YES1: variants seen among roughly 807,000 people sequenced by gnomAD.
The protein encoded by YES1 is tyrosine-protein kinase Yes.
In YES1, 39 loss-of-function variants were observed where a neutral mutation model predicts 70.4. The ratio of observed to expected loss-of-function variants is 0.55; its 90% CI spans 0.43 to 0.72. YES1 has a LOEUF of 0.72. YES1 is among the 30% of genes least tolerant of loss of function. The pLI, the probability that YES1 is intolerant of heterozygous loss-of-function variation, is 0.00. For synonymous variants in YES1, 198 were observed against 218.6 expected (o/e 0.91, Z 0.83); for missense variants, 495 against 644.8 (o/e 0.77, Z 2.52).
At chr18:812,318 A>G (rs1329133492), upstream of YES1, 1 of 52,022 alleles carries the variant, frequency 1.9e-5, no homozygotes, top group Non-Finnish European at 3.6e-5. Context: ...CTCACTCTCC[A>G]CCTCCTCCGC....
At chr18:788,561 A>G (rs1465313569) in intron 1 of YES1, among the ~76,000 whole-genome samples, 1 of 152,224 alleles carries the variant, frequency 6.6e-6, no homozygotes, top group Non-Finnish European at 1.5e-5. Context: ...ATTCTGTGGA[A>G]AACTATTTTA....
intron 1 of YES1, among the ~76,000 whole-genome samples, chr18:764,033 TGG>T: frequency 6.7e-6 from 1 of 148,542 alleles, no homozygotes; most frequent in Non-Finnish European, 1.5e-5. Context: ...GGCAGGAGAA[TGG>T]CATGAACCCG....
intron 1 of YES1, among the ~76,000 whole-genome samples, chr18:769,689 T>C (rs1458314996): frequency 6.6e-6 from 1 of 152,232 alleles, no homozygotes; most frequent in African/African-American, 2.4e-5. Flanking sequence ...GTTTTTTTCC[T>C]TTATTCAATT....
chr18:742,849 A>C, intron 8 of YES1, 69 bp downstream of exon 8: 28 of 1,257,972 alleles, frequency 2.2e-5, no homozygotes, highest in African/African-American at 3.0e-5. Flanking sequence ...GTATAAGTCT[A>C]TATGCATACA....
intron 1 of YES1, among the ~76,000 whole-genome samples, chr18:781,679 A>C (rs1905675512): frequency 6.6e-6 from 1 of 152,220 alleles, no homozygotes; most frequent in Non-Finnish European, 1.5e-5. Flanking sequence ...TTGGAGTCAG[A>C]CACACATTTC....
At chr18:803,909 C>T (rs1032257232) in intron 1 of YES1, among the ~76,000 whole-genome samples, 1 of 152,200 alleles carries the variant, frequency 6.6e-6, no homozygotes, top group Non-Finnish European at 1.5e-5. Flanking sequence ...AAGACTCCAA[C>T]GGGCTGCCTA....
chr18:731,966 CAAAAA>C (rs1165333694), intron 11 of YES1, among the ~76,000 whole-genome samples: 18 of 79,968 alleles, frequency 2.3e-4, no homozygotes, highest in African/African-American at 4.5e-4. Flanking sequence ...GACTCCATTT[CAAAAA>C]AAAAAAAAAA....
rs1245317004 is a variant in YES1, at chr18:756,455, C to A, written c.271+102G>T. On this transcript the variant is annotated intron_variant, in intron 2 of 11. Coordinates refer to ENST00000314574, the MANE Select transcript of YES1 (RefSeq NM_005433.4). ...TTTCACATACAATTATTTGAAAAGT[C>A]CTCAAGTAAGATATCTTTCTTAAAG... 1.1e-5 allele frequency: 16 copies of A among 1,422,294 alleles called. 1 individual carries two copies. Among genetic ancestry groups the A allele is most frequent in the African/African-American group, 7.2e-5 (5 of 69,414 alleles). The allele number at this position is 1,422,294 out of a possible 1,614,324, so 88.1% of individuals were successfully genotyped here.
In YES1 at chr18:752,616, T is replaced by TAACACTTA. The variant is rs571401481; in HGVS notation, c.272-820_272-813dup. ...AGTTTTAGCAAAATTATTACATATT[T>TAACACTTA]AACACTTAAAGATAAAAATGTCATG... On this transcript the variant is annotated intron_variant, in intron 2 of 11. Transcript: ENST00000314574. Among the ~76,000 whole-genome samples the TAACACTTA allele has an allele frequency of 2.9e-3, 440 of 152,248 alleles. 2 individuals are homozygous for TAACACTTA. Among genetic ancestry groups the TAACACTTA allele is most frequent in the Middle Eastern group, 6.8e-3 (2 of 294 alleles).
chr18:749,524 A>C (rs2080319043), intron 3 of YES1, among the ~76,000 whole-genome samples: 1 of 149,750 alleles, frequency 6.7e-6, no homozygotes, highest in African/African-American at 2.5e-5. Context: ...AAACAAAAAA[A>C]CCCCCTGAAT....
upstream of YES1, chr18:812,486 G>A (rs181574022): frequency 6.6e-6 from 1 of 152,266 alleles, no homozygotes; most frequent in Non-Finnish European, 1.5e-5. Context: ...CCCCTCCGCG[G>A]GCTCCGGGCC....
intron 1 of YES1, among the ~76,000 whole-genome samples, chr18:794,964 T>C (rs574163768): frequency 6.6e-6 from 1 of 152,234 alleles, no homozygotes; most frequent in African/African-American, 2.4e-5. Flanking sequence ...TACAGGCGCG[T>C]GCCACCATGC....
chr18:782,328 T>C (rs1419084516), intron 1 of YES1, among the ~76,000 whole-genome samples: 2 of 152,218 alleles, frequency 1.3e-5, no homozygotes, highest in African/African-American at 2.4e-5. Context: ...CAATTCCTAA[T>C]TCCTAAAGGA....
intron 8 of YES1, among the ~76,000 whole-genome samples, chr18:742,469 A>G (rs1045635046): frequency 3.1e-4 from 47 of 152,104 alleles, no homozygotes; most frequent in Middle Eastern, 3.4e-3. Context: ...TAAAAAAAAA[A>G]AAAAAAAGAA....
intron 10 of YES1, among the ~76,000 whole-genome samples, chr18:734,985 G>T (rs62088291): frequency 0.12 from 18,073 of 151,708 alleles, 1,213 homozygotes; most frequent in East Asian, 0.27. Context: ...TGGTGAAACC[G>T]TGTCTCTACT....
intron 11 of YES1, among the ~76,000 whole-genome samples, chr18:725,979 A>G (rs1438451910): frequency 6.6e-6 from 1 of 152,218 alleles, no homozygotes; most frequent in Non-Finnish European, 1.5e-5. Context: ...GGGAATTAAT[A>G]TTCAGTGAGG....
At chr18:785,024 G>A (rs1324045677) in intron 1 of YES1, among the ~76,000 whole-genome samples, 4 of 152,150 alleles carry the variant, frequency 2.6e-5, no homozygotes, top group South Asian at 2.1e-4. Context: ...AGGGTTCAGA[G>A]AGTCAGTATG....
At chr18:792,897 C>CT (rs1322359409) in intron 1 of YES1, among the ~76,000 whole-genome samples, 1 of 151,934 alleles carries the variant, frequency 6.6e-6, no homozygotes, top group African/African-American at 2.4e-5. Flanking sequence ...CCCACCCCTA[C>CT]TTTTTAATAA....
chr18:794,561 A>C (rs908868141), intron 1 of YES1, among the ~76,000 whole-genome samples: 5 of 152,152 alleles, frequency 3.3e-5, no homozygotes, highest in Non-Finnish European at 7.4e-5. Flanking sequence ...GGGCTGCTGT[A>C]GAAAAAAAAT....
Sources: allele counts gnomAD v4.1 joint callset (sites outside exome capture counted in the v4.1 genomes callset), GRCh38; gene constraint gnomAD v4.1.1; transcripts MANE v1.5; gene names NCBI Gene and HGNC (gene_info 2026-07-23, HGNC 2026-07-21).